SLC24A4: variants seen among roughly 807,000 people sequenced by gnomAD.
SLC24A4 encodes solute carrier family 24 member 4, also known as sodium/potassium/calcium exchanger 4.
SLC24A4 carries 53 observed loss-of-function variants against 79.0 expected under a neutral mutation model. The ratio of observed to expected loss-of-function variants is 0.67; its 90% confidence interval spans 0.54 to 0.84. The LOEUF is 0.84. SLC24A4 is among the 40% of genes least tolerant of loss of function. The pLI is 0.00. For synonymous variants in SLC24A4, 323 were observed against 323.8 expected (o/e 1.00, Z 0.03); for missense variants, 731 against 822.0 (o/e 0.89, Z 1.35).
chr14:92,389,512 C>T (rs61975647), intron 2 of SLC24A4, among the ~76,000 whole-genome samples: 10,607 of 152,246 alleles, frequency 0.07, 517 homozygotes, highest in Non-Finnish European at 0.097. Context: ...CCCCTGGAAA[C>T]CCAGCCCTTT....
intron 2 of SLC24A4, among the ~76,000 whole-genome samples, chr14:92,365,981 G>A (rs1441919626): frequency 6.6e-6 from 1 of 152,206 alleles, no homozygotes. Context: ...TTAGAGTTGA[G>A]AGCTTACCAT....
rs139323653 is a variant in SLC24A4 at position 92,443,215 on chromosome 14, T to A, written c.583-185T>A. The A allele has an allele frequency of 3.4e-3, 2,239 of 651,682 alleles. 12 individuals are homozygous for A. The highest frequency in any genetic ancestry group is 0.022 in the Middle Eastern group (60 of 2,690). 40.4% of individuals were successfully genotyped at this position (651,682 alleles called of 1,614,324 possible). On this transcript the variant is annotated intron_variant, in intron 6 of 16. Transcript: ENST00000532405. Reference sequence around the variant, plus strand: ...AGAGGAATAGAGGGCAGCTTTGCCATGGCTTGAGAACATTACTTGGTTTCA... The same window carrying A: ...AGAGGAATAGAGGGCAGCTTTGCCAAGGCTTGAGAACATTACTTGGTTTCA...
chr14:92,442,812 G>T lies in SLC24A4; in HGVS notation c.578G>T (p.Gly193Val), dbSNP rs1302495177. 1 of 1,613,524 alleles carries T rather than the reference G, an allele frequency of 6.2e-7. No homozygotes were observed. The highest frequency in any genetic ancestry group is 1.3e-5 in the African/African-American group (1 of 74,894). The change falls in exon 6 of 17, where the codon GGC (glycine) becomes GTC (valine). Residue 193 changes from glycine (G) to valine (V), a missense_variant. By Grantham distance (109) the Gly-to-Val change is moderately radical. Coordinates refer to ENST00000532405, the MANE Select transcript of SLC24A4 (RefSeq NM_153646.4). ...ATTGGAGTGTGCGGACTGTTTGCTG[G>T]CCAGGTCAGTGGTTTCTCCCTGGGC... Reference protein sequence around the residue: ...CIIGVCGLFAGQVVRLTWWAV... With the variant: ...CIIGVCGLFAVQVVRLTWWAV...
In SLC24A4 at chr14:92,434,813, G is replaced by A. The variant is rs140837561; in HGVS notation, c.318+825G>A. Among the ~76,000 whole-genome samples the A allele has an allele frequency of 7.3e-3, 1,105 of 152,164 alleles. 11 individuals are homozygous for A. Among genetic ancestry groups the A allele is most frequent in the African/African-American group, 0.024 (1,013 of 41,526 alleles). ...TTTTGAGATGGAGTCTCGCTCTGTC[G>A]CCCAGGCTGGAGTACAGTGGCGCGA... On this transcript the variant is annotated intron_variant, in intron 3 of 16. Transcript: ENST00000532405.
At chr14:92,407,370 C>T (rs1251152383) in intron 2 of SLC24A4, among the ~76,000 whole-genome samples, 1 of 152,220 alleles carries the variant, frequency 6.6e-6, no homozygotes, top group East Asian at 1.9e-4. Context: ...GTTCCAACGT[C>T]TGCCCATTAC....
chr14:92,416,311 G>C (rs1056461829), intron 2 of SLC24A4, among the ~76,000 whole-genome samples: 4 of 152,136 alleles, frequency 2.6e-5, no homozygotes, highest in Non-Finnish European at 5.9e-5. Context: ...GGTCTTTCCT[G>C]CCACGCTCTG....
chr14:92,332,031 C>G (rs1444512052), intron 2 of SLC24A4, among the ~76,000 whole-genome samples: 1 of 152,146 alleles, frequency 6.6e-6, no homozygotes, highest in Non-Finnish European at 1.5e-5. Context: ...GTAATCCTAG[C>G]ACTTTGAGAG....
rs78323442 is a variant in SLC24A4 at position 92,385,072 on chromosome 14, C to T, written c.242-48840C>T. On this transcript the variant is annotated intron_variant, in intron 2 of 16. Coordinates refer to ENST00000532405, the MANE Select transcript of SLC24A4 (RefSeq NM_153646.4). ...AGAACTATGCCTGACAAACAGCAAG[C>T]GCTTAACAAGCATCTGTTGCTGCTA... Among the ~76,000 whole-genome samples, 2,086 of 152,270 alleles carry T rather than the reference C, an allele frequency of 0.014. 92 individuals are homozygous for T. In the East Asian group the frequency reaches 0.16, roughly 11 times the overall value.
At chr14:92,348,303 T>C (rs1886657155) in intron 2 of SLC24A4, among the ~76,000 whole-genome samples, 1 of 152,236 alleles carries the variant, frequency 6.6e-6, no homozygotes, top group Non-Finnish European at 1.5e-5. Flanking sequence ...GACTTAAACA[T>C]TGACACAGTA....
At chr14:92,462,114 CTT>C (rs748462123) in intron 12 of SLC24A4, 2 of 152,248 alleles carry the variant, frequency 1.3e-5, no homozygotes, top group Non-Finnish European at 2.9e-5. Flanking sequence ...TAGGGAGTCA[CTT>C]TTCCACTCTG....
At chr14:92,484,946 T>C in intron 13 of SLC24A4, 1 of 920,664 alleles carries the variant, frequency 1.1e-6, no homozygotes, top group Non-Finnish European at 1.3e-6. Context: ...GTCGAGTTAG[T>C]GTTGTGTACA....
In SLC24A4 at chr14:92,495,036, T is replaced by G. The variant is rs1403548689; in HGVS notation, c.*1408T>G. The G allele has an allele frequency of 6.6e-6, 1 of 152,650 alleles. No homozygotes were observed. The highest frequency in any genetic ancestry group is 1.5e-5 in the Non-Finnish European group (1 of 68,030). 9.5% of individuals were successfully genotyped at this position (152,650 alleles called of 1,614,324 possible). On this transcript the variant is annotated 3_prime_UTR_variant, in exon 17 of 17. Transcript: ENST00000532405. ...AAAAGTCTATCCGATTTGATGCACTTTGAATATTGAGATATTTTGCACGGA... is the reference window on the plus strand; with the variant it reads ...AAAAGTCTATCCGATTTGATGCACTGTGAATATTGAGATATTTTGCACGGA...
chr14:92,407,068 C>T (rs1225242482), intron 2 of SLC24A4, among the ~76,000 whole-genome samples: 3 of 152,216 alleles, frequency 2.0e-5, no homozygotes, highest in Non-Finnish European at 4.4e-5. Flanking sequence ...ATCTTGAACA[C>T]TTTGCTCTTA....
At chr14:92,443,971 G>C (rs1394555716) in intron 7 of SLC24A4, among the ~76,000 whole-genome samples, 1 of 152,020 alleles carries the variant, frequency 6.6e-6, no homozygotes, top group Non-Finnish European at 1.5e-5. Flanking sequence ...GGAAGCCACA[G>C]CCTTTTCCTA....
chr14:92,377,602 AC>A (rs2141702895), intron 2 of SLC24A4, among the ~76,000 whole-genome samples: 1 of 152,226 alleles, frequency 6.6e-6, no homozygotes, highest in East Asian at 1.9e-4. Context: ...ACTCAGAGGG[AC>A]CTCATATGCC....
intron 2 of SLC24A4, among the ~76,000 whole-genome samples, chr14:92,415,054 G>A (rs1018148681): frequency 1.5e-4 from 22 of 150,406 alleles, no homozygotes; most frequent in African/African-American, 4.2e-4. Flanking sequence ...TTGGACTCAT[G>A]GTTGAAAGGC....
chr14:92,335,270 A>G (rs1214708201), intron 2 of SLC24A4, among the ~76,000 whole-genome samples: 1 of 152,200 alleles, frequency 6.6e-6, no homozygotes, highest in East Asian at 1.9e-4. Flanking sequence ...CAATATTGAT[A>G]CATTGTTATT....
At chr14:92,389,486 C>T (rs1037047202) in intron 2 of SLC24A4, among the ~76,000 whole-genome samples, 6 of 152,198 alleles carry the variant, frequency 3.9e-5, no homozygotes, top group African/African-American at 1.4e-4. Flanking sequence ...TCTGTGCAGC[C>T]TGGGCCAGGG....
At chr14:92,395,083 G>A (rs988011847) in intron 2 of SLC24A4, among the ~76,000 whole-genome samples, 25 of 152,208 alleles carry the variant, frequency 1.6e-4, no homozygotes, top group Admixed American at 9.8e-4. Flanking sequence ...GCCTCTGGAC[G>A]GATAAGGGAC....
Sources: allele counts gnomAD v4.1 joint callset (sites outside exome capture counted in the v4.1 genomes callset), GRCh38; gene constraint gnomAD v4.1.1; transcripts MANE v1.5; gene names NCBI Gene and HGNC (gene_info 2026-07-23, HGNC 2026-07-21).